The following CLCN3 variants were observed in gnomAD, a reference collection of about 807,000 sequenced individuals.
CLCN3 encodes the protein Cl-/H+ antiporter 3, also known as H(+)/Cl(-) exchange transporter 3.
A neutral mutation model predicts 83.4 loss-of-function variants in CLCN3; 16 were observed. That is an observed-to-expected ratio of 0.19 (90% confidence interval 0.13 to 0.29). The LOEUF (loss-of-function observed/expected upper bound fraction) is 0.29. CLCN3 is among the 10% of genes least tolerant of loss of function. CLCN3 has a pLI of 1.00. For synonymous variants in CLCN3, 322 were observed against 346.2 expected, an observed-to-expected ratio of 0.93 and a Z score of 0.78; for missense variants, 544 against 1,006.0, an observed-to-expected ratio of 0.54 and a Z score of 6.21.
Position 169,668,793 on chromosome 4 carries a change from T to G in CLCN3, c.161-11257T>G, listed in dbSNP as rs368342061. 3.9e-5 allele frequency among the ~76,000 whole-genome samples: 6 copies of G among 151,954 alleles called. No homozygotes were observed. The East Asian group carries it at 9.7e-4, about 24-fold the overall frequency. The stretch of plus-strand genomic sequence containing the variant: ...ACTTTCAGGTCATACTTTCTTATCA[T>G]CCAAGAGCTGGATATTTAGGTAGCA... On this transcript the variant is annotated intron_variant, in intron 2 of 12. Coordinates refer to ENST00000513761, the MANE Select transcript of CLCN3 (RefSeq NM_001829.4).
At chr4:169,623,136 C>T (rs1773148044) in intron 1 of CLCN3, among the ~76,000 whole-genome samples, 1 of 152,138 alleles carries the variant, frequency 6.6e-6, no homozygotes. Flanking sequence ...AAATATATTT[C>T]TTGCTATTTC....
At chr4:169,624,654 A>T (rs985300489) in intron 1 of CLCN3, among the ~76,000 whole-genome samples, 2 of 152,252 alleles carry the variant, frequency 1.3e-5, no homozygotes, top group Admixed American at 1.3e-4. Flanking sequence ...GTCTACTGAA[A>T]GCTGTAGGGC....
At chr4:169,696,331 A>G (rs1333887876) in intron 8 of CLCN3, among the ~76,000 whole-genome samples, 1 of 152,134 alleles carries the variant, frequency 6.6e-6, no homozygotes, top group Admixed American at 6.6e-5. Context: ...TAGTGACTTC[A>G]GTGGATTATT....
At chr4:169,702,301 A>T (rs367584367) in intron 9 of CLCN3, among the ~76,000 whole-genome samples, 1 of 152,192 alleles carries the variant, frequency 6.6e-6, no homozygotes, top group Non-Finnish European at 1.5e-5. Context: ...TATCTATGGT[A>T]GCTGTAGCCA....
intron 2 of CLCN3, among the ~76,000 whole-genome samples, chr4:169,649,961 T>G (rs146483106): frequency 6.6e-6 from 1 of 152,198 alleles, no homozygotes; most frequent in African/African-American, 2.4e-5. Flanking sequence ...GGTGCACGAC[T>G]GTAGTCCCAG....
chr4:169,697,053 C>T, intron 8 of CLCN3, 136 bp from the exon 9 acceptor site: 1 of 589,186 alleles, frequency 1.7e-6, no homozygotes, highest in South Asian at 3.1e-5. Context: ...TTTCTTATTA[C>T]AGTAAAATCC....
Position 169,707,172 on chromosome 4 carries a change from T to G in CLCN3, c.2055T>G (p.Asn685Lys), listed in dbSNP as rs1197219101. 6.2e-7 allele frequency: 1 copy of G among 1,613,836 alleles called. No individual in the cohort carries two copies. The highest frequency in any genetic ancestry group is 8.5e-7 in the Non-Finnish European group (1 of 1,179,864). Reference protein sequence around the residue: ...MTVDDIENMINETSYNGFPVI... With the variant: ...MTVDDIENMIKETSYNGFPVI... ...TGGATGATATAGAAAACATGATTAA[T>G]GAAACCAGCTACAATGGATTTCCTG... The change falls in exon 11 of 13, where the codon AAT becomes AAG. Residue 685 changes from asparagine (N) to lysine (K), a missense_variant. Coordinates refer to ENST00000513761, the MANE Select transcript of CLCN3 (RefSeq NM_001829.4).
rs188979580 is a variant in CLCN3, at chr4:169,702,142, G to T, written c.1564-1856G>T. On this transcript the variant is annotated intron_variant, in intron 9 of 12. Coordinates refer to ENST00000513761, the MANE Select transcript of CLCN3 (RefSeq NM_001829.4). The stretch of plus-strand genomic sequence containing the variant: ...TGGAAGATGGCCTTTCCCTGATGCT[G>T]GCTGCAACCAATTATTACTTTAGAG... 4.8e-3 allele frequency among the ~76,000 whole-genome samples: 730 copies of T among 152,194 alleles called. 6 individuals are homozygous for T. The highest frequency in any genetic ancestry group is 0.015 in the African/African-American group (611 of 41,516).
At position 169,692,285 on chromosome 4, in the gene CLCN3, C is replaced by T; in HGVS notation, c.901C>T (p.Pro301Ser). The T allele has an allele frequency of 6.2e-7, 1 of 1,612,828 alleles. No individual in the cohort carries two copies. Among genetic ancestry groups the T allele is most frequent in the Non-Finnish European group, 8.5e-7 (1 of 1,179,190 alleles). ...CGGAAATATCTTTTCCTACCTCTTT[C>T]CAAAGTATAGCACAAACGAAGCTAA... ...CCGNIFSYLF[P>S]KYSTNEAKKR... Residue 301 changes from proline (P) to serine (S), a missense_variant, in exon 7 of 13, where the codon CCA (proline) becomes TCA (serine). By Grantham distance (74) the Pro-to-Ser change is moderately conservative. Coordinates refer to ENST00000513761, the MANE Select transcript of CLCN3 (RefSeq NM_001829.4).
chr4:169,700,985 A>G (rs2150259813), intron 9 of CLCN3, among the ~76,000 whole-genome samples: 1 of 152,310 alleles, frequency 6.6e-6, no homozygotes, highest in Non-Finnish European at 1.5e-5. Flanking sequence ...CAATTCTTAA[A>G]ATAAGATAAC....
rs1430115035 is a variant in CLCN3 at position 169,722,353 on chromosome 4, C to T, written c.*2356C>T. 6.6e-6 allele frequency: 1 copy of T among 152,228 alleles called. No homozygotes were observed. The highest frequency in any genetic ancestry group is 2.4e-5 in the African/African-American group (1 of 41,458). The allele number at this position is 152,228 out of a possible 1,614,324, so 9.4% of individuals were successfully genotyped here. A position where few individuals can be genotyped will look rare whatever the true frequency, so the allele number is the denominator to read the frequency against. ...TAAAATTATTCCTTATTACTTCTCT[C>T]CTTTGACAGACTTCAAGTTTTCTTC... On this transcript the variant is annotated 3_prime_UTR_variant, in exon 13 of 13. Coordinates refer to ENST00000513761, the MANE Select transcript of CLCN3 (RefSeq NM_001829.4).
intron 10 of CLCN3, among the ~76,000 whole-genome samples, chr4:169,704,931 T>G (rs1732933326): frequency 6.6e-6 from 1 of 152,204 alleles, no homozygotes; most frequent in South Asian, 2.1e-4. Flanking sequence ...TTCACCAAAG[T>G]AGCAAGTATT....
chr4:169,709,263 T>G (rs1733108184), intron 11 of CLCN3, among the ~76,000 whole-genome samples: 1 of 151,414 alleles, frequency 6.6e-6, no homozygotes, highest in Admixed American at 6.6e-5. Context: ...AATAAGATGG[T>G]TGACATATGC....
chr4:169,666,496 A>G (rs981810626), intron 2 of CLCN3, among the ~76,000 whole-genome samples: 2 of 152,286 alleles, frequency 1.3e-5, no homozygotes, highest in African/African-American at 4.8e-5. Flanking sequence ...CACTTCTGCA[A>G]TTTTCTATTG....
At position 169,719,967 on chromosome 4, in the gene CLCN3, C is replaced by A; in HGVS notation, c.2427C>A (p.Asn809Lys). 1 of 1,613,888 alleles carries A rather than the reference C, an allele frequency of 6.2e-7. No homozygotes were observed. The highest frequency in any genetic ancestry group is 8.5e-7 in the Non-Finnish European group (1 of 1,179,868). Residue 809 changes from asparagine (N) to lysine (K), a missense_variant, in exon 13 of 13, where the codon AAC becomes AAA. Asn to Lys is a moderately conservative substitution (Grantham distance 94). Around this residue, in one of 6 missense-constraint regions of CLCN3, gnomAD observed 142 missense variants for 225.0 expected, o/e 0.63. Transcript: ENST00000513761. ...DILRHMAQTA[N>K]QDPASIMFN ...TCCGGCATATGGCCCAGACGGCAAACCAAGACCCCGCTTCAATAATGTTCA... is the reference window on the plus strand; with the variant it reads ...TCCGGCATATGGCCCAGACGGCAAAACAAGACCCCGCTTCAATAATGTTCA...
Position 169,650,777 on chromosome 4 carries a change from A to G in CLCN3, c.160+14689A>G, listed in dbSNP as rs1044552184. ...TTTGACACTTCACATTCTGTTGCCAACTACTTTGTAAACATTTCTACACCT... is the reference window on the plus strand; with the variant it reads ...TTTGACACTTCACATTCTGTTGCCAGCTACTTTGTAAACATTTCTACACCT... On this transcript the variant is annotated intron_variant, in intron 2 of 12. Coordinates refer to ENST00000513761, the MANE Select transcript of CLCN3 (RefSeq NM_001829.4). 2.0e-5 allele frequency among the ~76,000 whole-genome samples: 3 copies of G among 152,214 alleles called. No homozygotes were observed. The South Asian group carries it at 6.2e-4, about 32-fold the overall frequency.
chr4:169,676,003 G>A (rs1040164174), intron 2 of CLCN3, among the ~76,000 whole-genome samples: 1 of 152,166 alleles, frequency 6.6e-6, no homozygotes, highest in Non-Finnish European at 1.5e-5. Flanking sequence ...AGTAGAAAAT[G>A]AAAGTTCATT....
rs1177334780 is a variant in CLCN3 at position 169,697,600 on chromosome 4, G to T, written c.1429G>T (p.Asp477Tyr). Residue 477 changes from aspartate to tyrosine, a missense_variant, in exon 9 of 13, where the codon GAC (aspartate) becomes TAC (tyrosine). By Grantham distance (160) the Asp-to-Tyr change is radical (BLOSUM62 -3). This residue lies in a region of CLCN3 where 194 missense variants were observed against 341.4 expected (regional missense o/e 0.57). Transcript: ENST00000513761. ...ESSSLCDYRN[D>Y]MNASKIVDDI... ...CTCTTCTCTTTGTGACTACAGAAAT[G>T]ACATGAATGCCAGTAAAATTGTCGA... is the stretch of plus-strand genomic sequence containing the variant. 1 of 1,614,058 alleles carries T rather than the reference G, an allele frequency of 6.2e-7. No individual in the cohort carries two copies. Among genetic ancestry groups the T allele is most frequent in the African/African-American group, 1.3e-5 (1 of 74,918 alleles).
rs184013274 is a variant in CLCN3, at chr4:169,640,833, G to A, written c.160+4745G>A. Among the ~76,000 whole-genome samples, 418 of 152,268 alleles carry A rather than the reference G, an allele frequency of 2.7e-3. 3 individuals carry two copies. Among genetic ancestry groups the A allele is most frequent in the Middle Eastern group, 3.4e-3 (1 of 294 alleles). On this transcript the variant is annotated intron_variant, in intron 2 of 12. Transcript: ENST00000513761. ...GTAAGAGAAGTTATTGAGATTGACT[G>A]ATGGGGTAAAAACTGTGATCAGCCA...
Sources: allele counts gnomAD v4.1 joint callset (sites outside exome capture counted in the v4.1 genomes callset), GRCh38; gene constraint gnomAD v4.1.1; regional missense constraint gnomAD v4.1.1; transcripts MANE v1.5; gene names NCBI Gene and HGNC (gene_info 2026-07-23, HGNC 2026-07-21).